GPHN: variants seen among roughly 807,000 people sequenced by gnomAD.
GPHN encodes gephyrin.
GPHN carries 17 observed loss-of-function variants against 95.5 expected under a neutral mutation model. The ratio of observed to expected loss-of-function variants is 0.18; its 90% CI spans 0.12 to 0.27. The LOEUF (loss-of-function observed/expected upper bound fraction) is 0.27. Ranked by LOEUF, GPHN falls within the 10% of genes least tolerant of loss-of-function variation. The pLI is 1.00. For synonymous variants in GPHN, 320 were observed against 322.5 expected, an observed-to-expected ratio of 0.99 and a Z score of 0.08; for missense variants, 660 against 978.1, an observed-to-expected ratio of 0.67 and a Z score of 4.34.
At chr14:66,974,932 C>T (rs1594692717) in intron 9 of GPHN, among the ~76,000 whole-genome samples, 1 of 152,146 alleles carries the variant, frequency 6.6e-6, no homozygotes, top group Non-Finnish European at 1.5e-5. Context: ...AATAATGATA[C>T]TATTTGCTTC....
rs1381835271 is a variant in GPHN, at chr14:66,758,003, G to A, written c.144-18461G>A. 3.9e-5 allele frequency among the ~76,000 whole-genome samples: 6 copies of A among 152,196 alleles called. No homozygotes were observed. In the East Asian group the frequency reaches 1.2e-3, roughly 29 times the overall value. On this transcript the variant is annotated intron_variant, in intron 2 of 22. Coordinates refer to ENST00000478722, the MANE Select transcript of GPHN (RefSeq NM_020806.5). The stretch of plus-strand genomic sequence containing the variant: ...CAAAGGTGGGAAAATTCCCCGTGTA[G>A]CTGGTCCTGGGCCTTTTATGGACTT...
chr14:66,788,304 G>A lies in GPHN; in HGVS notation c.201+11783G>A, dbSNP rs182837277. On this transcript the variant is annotated intron_variant, in intron 3 of 22. Coordinates refer to ENST00000478722, the MANE Select transcript of GPHN (RefSeq NM_020806.5). ...AGTCTGGGCAACAGAACGAGACTCCGTCTCAAAAAAGAGGATCAAAACAAG... is the reference window on the plus strand; with the variant it reads ...AGTCTGGGCAACAGAACGAGACTCCATCTCAAAAAAGAGGATCAAAACAAG... 6.6e-5 allele frequency among the ~76,000 whole-genome samples: 10 copies of A among 152,272 alleles called. No homozygotes were observed. The East Asian group carries it at 1.4e-3, about 21-fold the overall frequency.
intron 5 of GPHN, among the ~76,000 whole-genome samples, chr14:66,906,616 C>T (rs879591123): frequency 6.6e-6 from 1 of 152,168 alleles, no homozygotes; most frequent in Non-Finnish European, 1.5e-5. Flanking sequence ...TAGTGATATT[C>T]TCTGTGCTGT....
chr14:67,204,146 T>C, the GPHN span, among the ~76,000 whole-genome samples: 1 of 152,042 alleles, frequency 6.6e-6, no homozygotes, highest in Non-Finnish European at 1.5e-5. Flanking sequence ...CTATAAAATA[T>C]AAGAAAGAGG....
chr14:66,669,719 T>C (rs1236650116), intron 1 of GPHN, among the ~76,000 whole-genome samples: 1 of 152,208 alleles, frequency 6.6e-6, no homozygotes, highest in African/African-American at 2.4e-5. Flanking sequence ...AGCACATCCA[T>C]TAAGTTTTGT....
chr14:66,692,305 A>T (rs2067831962), intron 2 of GPHN, among the ~76,000 whole-genome samples: 1 of 152,184 alleles, frequency 6.6e-6, no homozygotes. Context: ...GTATAAGTTT[A>T]CATGGAAGGA....
the GPHN span, among the ~76,000 whole-genome samples, chr14:67,332,175 T>G: frequency 6.6e-6 from 1 of 152,202 alleles, no homozygotes; most frequent in East Asian, 1.9e-4. Flanking sequence ...ATGTGCCTGA[T>G]AATTAGAGGG....
the GPHN span, chr14:67,473,777 G>A: frequency 6.2e-7 from 1 of 1,613,934 alleles, no homozygotes; most frequent in African/African-American, 1.3e-5. The surrounding 1 kb of genome is among the most constrained non-coding windows in gnomAD (Gnocchi z 6.5). Context: ...AGATGAAGAG[G>A]GCCCACACGC....
At chr14:66,621,638 T>G (rs1018544213) in intron 1 of GPHN, among the ~76,000 whole-genome samples, 1 of 151,658 alleles carries the variant, frequency 6.6e-6, no homozygotes, top group African/African-American at 2.4e-5. Flanking sequence ...TTAGCCAGGA[T>G]GGTCTCGATC....
At chr14:67,485,824 G>T in the GPHN span, among the ~76,000 whole-genome samples, 1 of 152,214 alleles carries the variant, frequency 6.6e-6, no homozygotes, top group African/African-American at 2.4e-5. Context: ...AGCTTGTCTC[G>T]CTGAGGAGGA....
At chr14:67,622,103 A>C in the GPHN span, among the ~76,000 whole-genome samples, 2 of 152,098 alleles carry the variant, frequency 1.3e-5, no homozygotes, top group Non-Finnish European at 2.9e-5. Flanking sequence ...TAAATAAATA[A>C]ATACCTTTAT....
At chr14:66,662,456 GAA>G (rs35429185) in intron 1 of GPHN, among the ~76,000 whole-genome samples, 1 of 144,286 alleles carries the variant, frequency 6.9e-6, no homozygotes, top group African/African-American at 2.5e-5. Flanking sequence ...CTGTAAAAAG[GAA>G]AAAAAAAAAA....
the GPHN span, among the ~76,000 whole-genome samples, chr14:67,605,832 A>AC: frequency 6.6e-6 from 1 of 151,488 alleles, no homozygotes; most frequent in Non-Finnish European, 1.5e-5. Context: ...ACAGGTGCGC[A>AC]CCCCCATGTC....
intron 10 of GPHN, among the ~76,000 whole-genome samples, chr14:67,044,726 T>C (rs1380663188): frequency 7.1e-6 from 1 of 140,104 alleles, no homozygotes; most frequent in Non-Finnish European, 1.5e-5. Flanking sequence ...TAATTATTTC[T>C]TGAGTACCCC....
At chr14:67,251,629 T>C in the GPHN span, among the ~76,000 whole-genome samples, 26 of 152,346 alleles carry the variant, frequency 1.7e-4, no homozygotes, top group African/African-American at 6.3e-4. Context: ...TTGTATCTTT[T>C]TGTCTTAGTA....
chr14:67,289,619 A>G, the GPHN span, among the ~76,000 whole-genome samples: 1 of 152,150 alleles, frequency 6.6e-6, no homozygotes, highest in Non-Finnish European at 1.5e-5. Flanking sequence ...AACCTCAAGA[A>G]TCAACCAAAG....
the GPHN span, chr14:67,271,387 CTGT>C: frequency 6.6e-6 from 1 of 152,230 alleles, no homozygotes; most frequent in Non-Finnish European, 1.5e-5. Flanking sequence ...CTGAAGCCTT[CTGT>C]TGTTTGGCCT....
the GPHN span, chr14:67,320,153 T>G: frequency 1.0e-3 from 1,410 of 1,356,470 alleles, no homozygotes; most frequent in Non-Finnish European, 1.3e-3. Flanking sequence ...TAATTTTGGG[T>G]GAAGATCTAT....
At chr14:67,595,765 G>GT in the GPHN span, among the ~76,000 whole-genome samples, 111,024 of 152,114 alleles carry the variant, frequency 0.73, 41,562 homozygotes, top group Middle Eastern at 0.83. Flanking sequence ...GACGCTAAGG[G>GT]TGGAAGTGCA....
Sources: allele counts gnomAD v4.1 joint callset (sites outside exome capture counted in the v4.1 genomes callset), GRCh38; gene constraint gnomAD v4.1.1; non-coding constraint Gnocchi (gnomAD v3.1); transcripts MANE v1.5; gene names NCBI Gene and HGNC (gene_info 2026-07-23, HGNC 2026-07-21).